SHISA2: variants seen among roughly 807,000 people sequenced by gnomAD.
SHISA2 encodes protein shisa-2 homolog.
Under a neutral mutation model 23.8 loss-of-function variants are expected in SHISA2, and 16 were observed. The observed-to-expected ratio is 0.67, with a 90% confidence interval of 0.46 to 1.02. SHISA2 has a LOEUF of 1.02. SHISA2 is among the 50% of genes least tolerant of loss of function. The pLI is 0.00. For missense variants in SHISA2, 459 were observed against 420.1 expected (o/e 1.09, Z -0.81); for synonymous variants, 201 against 178.6 (o/e 1.13, Z -1.00).
rs1403945121 is a variant in SHISA2 at position 26,045,501 on chromosome 13, G to C, written c.*1012C>G. 6.6e-6 allele frequency: 1 copy of C among 152,154 alleles called. No individual in the cohort carries two copies. Among genetic ancestry groups the C allele is most frequent in the African/African-American group, 2.4e-5 (1 of 41,418 alleles). The allele number at this position is 152,154 out of a possible 1,614,324, so 9.4% of individuals were successfully genotyped here. ...CTACTTCAAGATTAAAATCATCCCA[G>C]AGTTCTGAAATGTCTTCATTAGTTA... On this transcript the variant is annotated 3_prime_UTR_variant, in exon 2 of 2. Coordinates refer to ENST00000319420, the MANE Select transcript of SHISA2 (RefSeq NM_001007538.2).
At chr13:26,047,584 T>C (rs1593748430) in intron 1 of SHISA2, among the ~76,000 whole-genome samples, 1 of 152,180 alleles carries the variant, frequency 6.6e-6, no homozygotes, top group African/African-American at 2.4e-5. Context: ...AGCAGTTAAG[T>C]CAAAAATTTA....
In SHISA2 at chr13:26,047,055, C is replaced by T. The variant is rs113091428; in HGVS notation, c.346G>A (p.Val116Met). The T allele has an allele frequency of 2.7e-5, 41 of 1,544,668 alleles. No individual in the cohort carries two copies. The highest frequency in any genetic ancestry group is 1.1e-4 in the African/African-American group (8 of 72,502). ...ACGGAGCCAACAATGAGGAACGGCA[C>T]GTAGATGGGCACTGAAGCAAAGGAC... ...GPDGSAVPIY[V>M]PFLIVGSVFV... Residue 116 changes from valine to methionine, a missense_variant, in exon 2 of 2, where the codon GTG becomes ATG. Transcript: ENST00000319420.
chr13:26,050,956 G>A lies in SHISA2; in HGVS notation c.20C>T (p.Ser7Leu), dbSNP rs1420974044. Residue 7 changes from serine (S) to leucine (L), a missense_variant, in exon 1 of 2, where the codon TCG (serine) becomes TTG (leucine). Transcript: ENST00000319420. ...GGCGTTCCAGGATGAGGAGACGGAC[G>A]AGCGGCGAGCGCCCCACATGGCACC... MWGARR[S>L]SVSSSWNAAS... is the part of the protein sequence containing the mutation. 2 of 1,512,786 alleles carry A rather than the reference G, an allele frequency of 1.3e-6. No homozygotes were observed. Among genetic ancestry groups the A allele is most frequent in the East Asian group, 2.6e-5 (1 of 37,802 alleles). 93.7% of individuals were successfully genotyped at this position (1,512,786 alleles called of 1,614,324 possible). A position where few individuals can be genotyped will look rare whatever the true frequency, so the allele number is the denominator to read the frequency against.
Position 26,051,491 on chromosome 13 carries a change from G to A in SHISA2, c.-516C>T, listed in dbSNP as rs1029815191. On this transcript the variant is annotated 5_prime_UTR_variant, in exon 1 of 2. Transcript: ENST00000319420. The stretch of plus-strand genomic sequence containing the variant: ...GAAGGGGCGAAGGCGGGCAGTGCAC[G>A]CAAGGCTCTGGGCAGCAAGTGACGC... 1.3e-5 allele frequency among the ~76,000 whole-genome samples: 2 copies of A among 152,200 alleles called. No homozygotes were observed. Among genetic ancestry groups the A allele is most frequent in the East Asian group, 3.9e-4 (2 of 5,190 alleles).
intron 1 of SHISA2, among the ~76,000 whole-genome samples, chr13:26,050,188 G>T (rs537789821): frequency 6.6e-6 from 1 of 152,272 alleles, no homozygotes; most frequent in South Asian, 2.1e-4. Flanking sequence ...TCTGGCACGG[G>T]GCAGCAGCCC....
rs1957269098 is a variant in SHISA2, at chr13:26,046,574, A to T, written c.827T>A (p.Ile276Asn). The T allele has an allele frequency of 1.2e-6, 2 of 1,613,940 alleles. No homozygotes were observed. Among genetic ancestry groups the T allele is most frequent in the South Asian group, 1.1e-5 (1 of 91,036 alleles). The part of the protein sequence containing the change: ...MDGLQPGYRQ[I>N]QSPFPHTNSE... Reference sequence around the variant, plus strand: ...GTTGGTGTGAGGGAAGGGGGACTGAATCTGCCTGTAGCCAGGCTGCAGGCC... The same window carrying T: ...GTTGGTGTGAGGGAAGGGGGACTGATTCTGCCTGTAGCCAGGCTGCAGGCC... The change falls in exon 2 of 2, where the codon ATT becomes AAT. Residue 276 changes from isoleucine to asparagine, a missense_variant. Transcript: ENST00000319420.
rs1200183896 is a variant in SHISA2 at position 26,051,541 on chromosome 13, G to C, written c.-566C>G. Among the ~76,000 whole-genome samples the C allele has an allele frequency of 6.6e-6, 1 of 152,196 alleles. No individual in the cohort carries two copies. Among genetic ancestry groups the C allele is most frequent in the East Asian group, 1.9e-4 (1 of 5,180 alleles). ...CAGCCGGCCGCGCTCAGCCTCCTCT[G>C]CCCCGAACTTGGTCCGCATGGCTCC... On this transcript the variant is annotated 5_prime_UTR_variant, in exon 1 of 2. Transcript: ENST00000319420.
In SHISA2 at chr13:26,050,755, T is replaced by C. The variant is rs1957297119; in HGVS notation, c.221A>G (p.Tyr74Cys). Reference sequence around the variant, plus strand: ...GCGCGCCTCGGCGCTGGAGCAGCAGTAGCGCAACGCGCAGCTGCCGCAGCA... The same window carrying C: ...GCGCGCCTCGGCGCTGGAGCAGCAGCAGCGCAACGCGCAGCTGCCGCAGCA... ...TICCGSCALR[Y>C]CCSSAEARLD... is the part of the protein sequence containing the mutation. Residue 74 changes from tyrosine (Y) to cysteine (C), a missense_variant, in exon 1 of 2, where the codon TAC becomes TGC. Coordinates refer to ENST00000319420, the MANE Select transcript of SHISA2 (RefSeq NM_001007538.2). The C allele has an allele frequency of 2.0e-6, 3 of 1,513,024 alleles. No homozygotes were observed. Among genetic ancestry groups the C allele is most frequent in the Non-Finnish European group, 2.6e-6 (3 of 1,139,472 alleles). The allele number at this position is 1,513,024 out of a possible 1,614,324, so 93.7% of individuals were successfully genotyped here.
At chr13:26,049,074 ATAAAT>A (rs368133478) in intron 1 of SHISA2, among the ~76,000 whole-genome samples, 9 of 152,360 alleles carry the variant, frequency 5.9e-5, no homozygotes, top group East Asian at 3.9e-4. Flanking sequence ...TTATCAAAAA[ATAAAT>A]TAATAGTAGT....
intron 1 of SHISA2, among the ~76,000 whole-genome samples, chr13:26,049,928 G>A (rs1317595003): frequency 4.0e-5 from 6 of 149,740 alleles, no homozygotes; most frequent in Non-Finnish European, 5.9e-5. Context: ...ACACCCCAGG[G>A]AGGCATTCCG....
intron 1 of SHISA2, among the ~76,000 whole-genome samples, chr13:26,049,384 A>T (rs1957285736): frequency 6.6e-6 from 1 of 152,214 alleles, no homozygotes; most frequent in African/African-American, 2.4e-5. Context: ...GCGTCATGAG[A>T]AGTCTCGTCC....
In SHISA2 at chr13:26,051,438, C is replaced by T. The variant is rs953545884; in HGVS notation, c.-463G>A. On this transcript the variant is annotated 5_prime_UTR_variant, in exon 1 of 2. Coordinates refer to ENST00000319420, the MANE Select transcript of SHISA2 (RefSeq NM_001007538.2). ...CGCGCGCGAATCAGGGCCCGTCTCC[C>T]CTCCTTTATTCCCTCCTCGGGCGGG... 2.6e-5 allele frequency among the ~76,000 whole-genome samples: 4 copies of T among 152,192 alleles called. No homozygotes were observed. Among genetic ancestry groups the T allele is most frequent in the Non-Finnish European group, 4.4e-5 (3 of 68,032 alleles).
intron 1 of SHISA2, among the ~76,000 whole-genome samples, chr13:26,049,792 AGAG>A (rs1373410864): frequency 1.3e-5 from 2 of 151,332 alleles, no homozygotes; most frequent in Admixed American, 6.6e-5. Flanking sequence ...GGGCCCACAA[AGAG>A]GAGGAGCCGC....
rs759366594 is a variant in SHISA2, at chr13:26,046,733, T to C, written c.668A>G (p.Asn223Ser). Residue 223 changes from asparagine (N) to serine (S), a missense_variant, in exon 2 of 2, where the codon AAT becomes AGT. Transcript: ENST00000319420. The stretch of plus-strand genomic sequence containing the variant: ...CTGCTGACAGTTCAGCACAGAGAAA[T>C]TCGTGGGCATGTTGACATACACGTT... ...MNNVYVNMPT[N>S]FSVLNCQQAT... The C allele has an allele frequency of 3.7e-6, 6 of 1,614,086 alleles. No individual in the cohort carries two copies. Among genetic ancestry groups the C allele is most frequent in the South Asian group, 1.1e-5 (1 of 91,088 alleles).
At chr13:26,047,684 T>C (rs754914344) in intron 1 of SHISA2, among the ~76,000 whole-genome samples, 1 of 152,180 alleles carries the variant, frequency 6.6e-6, no homozygotes, top group Non-Finnish European at 1.5e-5. Flanking sequence ...AAAAAGACCC[T>C]CTTCACTCTT....
At chr13:26,049,530 G>C (rs1000058430) in intron 1 of SHISA2, among the ~76,000 whole-genome samples, 1 of 152,150 alleles carries the variant, frequency 6.6e-6, no homozygotes. Context: ...CACACAGTCT[G>C]CGAGACTGAG....
chr13:26,050,742 G>A lies in SHISA2; in HGVS notation c.234C>T (p.Ser78=), dbSNP rs1229172807. ...GSCALRYCCS[S]AEARLDQGGC... ...CGCCCTGGTCCAGGCGCGCCTCGGC[G>A]CTGGAGCAGCAGTAGCGCAACGCGC... The change falls in exon 1 of 2, where the codon AGC becomes AGT. Residue 78 remains serine (S), a synonymous_variant. Coordinates refer to ENST00000319420, the MANE Select transcript of SHISA2 (RefSeq NM_001007538.2). 1 of 1,503,576 alleles carries A rather than the reference G, an allele frequency of 6.7e-7. No homozygotes were observed. Among genetic ancestry groups the A allele is most frequent in the South Asian group, 1.2e-5 (1 of 80,800 alleles). 93.1% of individuals were successfully genotyped at this position (1,503,576 alleles called of 1,614,324 possible). A position where few individuals can be genotyped will look rare whatever the true frequency, so the allele number is the denominator to read the frequency against.
Position 26,051,350 on chromosome 13 carries a change from C to A in SHISA2, c.-375G>T, listed in dbSNP as rs1957302832. Among the ~76,000 whole-genome samples the A allele has an allele frequency of 6.6e-6, 1 of 152,164 alleles. No individual in the cohort carries two copies. The highest frequency in any genetic ancestry group is 1.5e-5 in the Non-Finnish European group (1 of 68,018). On this transcript the variant is annotated 5_prime_UTR_variant, in exon 1 of 2. Coordinates refer to ENST00000319420, the MANE Select transcript of SHISA2 (RefSeq NM_001007538.2). Reference sequence around the variant, plus strand: ...GGGATGCTCACTCGAGCCGAATGACCGCTGGGCGCGCCGCCGCGGACCTGG... The same window carrying A: ...GGGATGCTCACTCGAGCCGAATGACAGCTGGGCGCGCCGCCGCGGACCTGG...
At chr13:26,050,388 G>A (rs1048565506) in intron 1 of SHISA2, among the ~76,000 whole-genome samples, 1 of 152,190 alleles carries the variant, frequency 6.6e-6, no homozygotes, top group African/African-American at 2.4e-5. Context: ...GGCTGTCTGT[G>A]GCCCACACTG....
Sources: allele counts gnomAD v4.1 joint callset (sites outside exome capture counted in the v4.1 genomes callset), GRCh38; gene constraint gnomAD v4.1.1; transcripts MANE v1.5; gene names NCBI Gene and HGNC (gene_info 2026-07-23, HGNC 2026-07-21).